SLC3A1: variants seen among roughly 807,000 people sequenced by gnomAD.
The protein encoded by SLC3A1 is amino acid transporter heavy chain SLC3A1.
A neutral mutation model predicts 60.3 loss-of-function variants in SLC3A1; 78 were observed. That is an observed-to-expected ratio of 1.29 (90% CI 1.08 to 1.56). The LOEUF is 1.56. Ranked by LOEUF, SLC3A1 falls within the 40% of genes most tolerant of loss-of-function variation. The pLI, the probability that SLC3A1 is intolerant of heterozygous loss-of-function variation, is 0.00. For synonymous variants in SLC3A1, 392 were observed against 307.9 expected (o/e 1.27, Z -2.86); for missense variants, 1,172 against 858.9 (o/e 1.36, Z -4.56).
At chr2:44,316,968 C>G (rs1672484751) in intron 9 of SLC3A1, among the ~76,000 whole-genome samples, 1 of 150,490 alleles carries the variant, frequency 6.6e-6, no homozygotes, top group East Asian at 2.0e-4. Flanking sequence ...CAATGTAAAA[C>G]AAGGTATTCT....
At chr2:44,294,744 C>G (rs751062334) in intron 4 of SLC3A1, among the ~76,000 whole-genome samples, 2 of 152,048 alleles carry the variant, frequency 1.3e-5, no homozygotes, top group African/African-American at 2.4e-5. Flanking sequence ...AAGAATTTTT[C>G]CAAGATTTCT....
chr2:44,308,968 A>T (rs988813745), intron 7 of SLC3A1, among the ~76,000 whole-genome samples: 12 of 152,110 alleles, frequency 7.9e-5, no homozygotes, highest in Non-Finnish European at 8.8e-5. Context: ...TCCTGACCTC[A>T]TGATCTGCCT....
chr2:44,320,782 G>A lies in SLC3A1; in HGVS notation c.*143G>A. The A allele has an allele frequency of 2.8e-6, 2 of 722,232 alleles. No homozygotes were observed. Among genetic ancestry groups the A allele is most frequent in the Non-Finnish European group, 4.8e-6 (2 of 420,230 alleles). The allele number at this position is 722,232 out of a possible 1,614,324, so 44.7% of individuals were successfully genotyped here. A position where few individuals can be genotyped will look rare whatever the true frequency, so the allele number is the denominator to read the frequency against. ...GCTTGAATGTAACTGCTTTAAGAAA[G>A]GTTCTCAAATGTTTTGAAAAAAATA... On this transcript the variant is annotated 3_prime_UTR_variant, in exon 10 of 10. Transcript: ENST00000260649.
chr2:44,300,449 A>AT (rs1409099296), intron 5 of SLC3A1, among the ~76,000 whole-genome samples: 2 of 152,154 alleles, frequency 1.3e-5, no homozygotes, highest in African/African-American at 2.4e-5. Context: ...ATGAGATGTA[A>AT]TTTTTTGTTT....
intron 4 of SLC3A1, among the ~76,000 whole-genome samples, chr2:44,296,846 A>T (rs1277224201): frequency 6.6e-6 from 1 of 152,132 alleles, no homozygotes; most frequent in Non-Finnish European, 1.5e-5. Context: ...GGTTTCCTCC[A>T]TCCTGTTCTC....
At chr2:44,310,805 G>T (rs1181846468) in intron 7 of SLC3A1, among the ~76,000 whole-genome samples, 5 of 145,960 alleles carry the variant, frequency 3.4e-5, no homozygotes, top group African/African-American at 7.5e-5. Context: ...TGAGAGTCTG[G>T]TTTTTTTTTT....
chr2:44,316,797 G>C (rs1489589947), intron 9 of SLC3A1, among the ~76,000 whole-genome samples: 1 of 152,126 alleles, frequency 6.6e-6, no homozygotes, highest in Non-Finnish European at 1.5e-5. Context: ...CATTCAAAGA[G>C]CAAAACAGAG....
chr2:44,301,513 G>T, intron 6 of SLC3A1: 1 of 360,364 alleles, frequency 2.8e-6, no homozygotes, highest in South Asian at 2.5e-5. Flanking sequence ...GGCCAAGGCA[G>T]GCGGATCACG....
intron 1 of SLC3A1, among the ~76,000 whole-genome samples, chr2:44,277,648 A>G (rs1376188456): frequency 6.6e-6 from 1 of 152,106 alleles, no homozygotes; most frequent in African/African-American, 2.4e-5. Context: ...CCTTTTGCAC[A>G]TTGAGTGCTT....
chr2:44,302,476 T>C (rs1241993662), intron 6 of SLC3A1, among the ~76,000 whole-genome samples: 1 of 152,354 alleles, frequency 6.6e-6, no homozygotes, highest in African/African-American at 2.4e-5. Flanking sequence ...CTCCATTTTA[T>C]AGACAAGGAA....
chr2:44,280,278 G>A (rs186276437), intron 1 of SLC3A1, among the ~76,000 whole-genome samples: 69 of 151,450 alleles, frequency 4.6e-4, no homozygotes, highest in African/African-American at 1.4e-3. Flanking sequence ...TTGCTCTGTC[G>A]CCCAGGCTAG....
At chr2:44,312,468 T>C (rs1380174377) in intron 7 of SLC3A1, 118 bp from the exon 8 acceptor site, 9 of 1,065,082 alleles carry the variant, frequency 8.5e-6, no homozygotes, top group Non-Finnish European at 1.2e-5. Flanking sequence ...CCAGGCTTGC[T>C]AGTACCAAGG....
intron 3 of SLC3A1, among the ~76,000 whole-genome samples, chr2:44,283,927 A>G (rs1671553527): frequency 6.6e-6 from 1 of 151,618 alleles, no homozygotes; most frequent in Non-Finnish European, 1.5e-5. Flanking sequence ...TGGTTCATAC[A>G]TTTTCATTGT....
intron 7 of SLC3A1, among the ~76,000 whole-genome samples, chr2:44,305,692 G>A (rs1672137709): frequency 6.6e-6 from 1 of 152,000 alleles, no homozygotes; most frequent in African/African-American, 2.4e-5. Flanking sequence ...CCTCCCAAAA[G>A]TGCTGGGATT....
chr2:44,308,133 G>A (rs562767007), intron 7 of SLC3A1, among the ~76,000 whole-genome samples: 6 of 152,002 alleles, frequency 3.9e-5, no homozygotes, highest in Admixed American at 1.3e-4. Context: ...GTGAGACCCC[G>A]TCTCTAAATG....
At chr2:44,279,811 C>T (rs1040306516) in intron 1 of SLC3A1, among the ~76,000 whole-genome samples, 2 of 152,092 alleles carry the variant, frequency 1.3e-5, no homozygotes, top group African/African-American at 4.8e-5. Flanking sequence ...AATCTGCCCA[C>T]CATGGCCTCC....
chr2:44,311,958 G>T (rs575285620), intron 7 of SLC3A1, among the ~76,000 whole-genome samples: 1 of 152,162 alleles, frequency 6.6e-6, no homozygotes. Context: ...CATGCTCAGC[G>T]TATGCACATG....
In SLC3A1 at chr2:44,307,713, G is replaced by T. The variant is rs372062012; in HGVS notation, c.1332+3375G>T. Among the ~76,000 whole-genome samples the T allele has an allele frequency of 1.3e-3, 194 of 152,124 alleles. 6 individuals carry two copies. The South Asian group carries it at 0.038, about 30-fold the overall frequency. ...AATTTGGTTGTCTTTTTATTGTTTA[G>T]TTGTAAGAATTCCTGATATATACTG... On this transcript the variant is annotated intron_variant, in intron 7 of 9. Transcript: ENST00000260649.
intron 7 of SLC3A1, among the ~76,000 whole-genome samples, chr2:44,310,668 A>C (rs549093884): frequency 1.3e-5 from 2 of 152,234 alleles, no homozygotes; most frequent in Admixed American, 1.3e-4. Context: ...TTTTAAAAAA[A>C]TCAAATTTGG....
Sources: allele counts gnomAD v4.1 joint callset (sites outside exome capture counted in the v4.1 genomes callset), GRCh38; gene constraint gnomAD v4.1.1; transcripts MANE v1.5; gene names NCBI Gene and HGNC (gene_info 2026-07-23, HGNC 2026-07-21).